The following TSNARE1 variants were observed in gnomAD, a reference collection of about 807,000 sequenced individuals.
TSNARE1 encodes the protein t-SNARE domain containing 1.
Under a neutral mutation model 62.0 loss-of-function variants are expected in TSNARE1, and 49 were observed. The ratio of observed to expected loss-of-function variants is 0.79; its 90% CI spans 0.63 to 1.00. The LOEUF is 1.00. Ranked by LOEUF, TSNARE1 falls within the 50% of genes least tolerant of loss-of-function variation. The pLI is 0.00. For synonymous variants in TSNARE1, 328 were observed against 294.4 expected (o/e 1.11, Z -1.17); for missense variants, 755 against 700.1 (o/e 1.08, Z -0.88).
chr8:142,285,305 TG>T (rs1822522456), intron 10 of TSNARE1, among the ~76,000 whole-genome samples: 1 of 143,290 alleles, frequency 7.0e-6, no homozygotes, highest in Admixed American at 7.0e-5. Flanking sequence ...GGTAGGTGGA[TG>T]GATGGATGGG....
intron 1 of TSNARE1, among the ~76,000 whole-genome samples, chr8:142,385,239 G>T (rs1373547971): frequency 6.6e-6 from 1 of 152,110 alleles, no homozygotes; most frequent in African/African-American, 2.4e-5. Context: ...GACCCTGAAA[G>T]GATGGCAGCC....
At position 142,229,499 on chromosome 8, in the gene TSNARE1, G is replaced by T; in HGVS notation, c.1527C>A (p.Thr509=). The T allele has an allele frequency of 6.2e-7, 1 of 1,614,128 alleles. No individual in the cohort carries two copies. The highest frequency in any genetic ancestry group is 8.5e-7 in the Non-Finnish European group (1 of 1,180,002). ...ALLVIIIIIA[T]SVRK ...ACGGGTAGCATCACTTTCGGACAGA[G>T]GTGGCGATGATGATGATGATGACAA... Residue 509 remains threonine, a synonymous_variant, in exon 13 of 14, where the codon ACC becomes ACA. Coordinates refer to ENST00000524325, the MANE Select transcript of TSNARE1 (RefSeq NM_145003.5).
intron 10 of TSNARE1, among the ~76,000 whole-genome samples, chr8:142,293,109 G>A (rs1013430666): frequency 1.3e-5 from 2 of 152,066 alleles, no homozygotes; most frequent in East Asian, 1.9e-4. Flanking sequence ...CCAAGAAAAC[G>A]CAAACCCCTC....
At chr8:142,349,560 A>T (rs145492293) in intron 2 of TSNARE1, among the ~76,000 whole-genome samples, 1,843 of 152,308 alleles carry the variant, frequency 0.012, 39 homozygotes, top group African/African-American at 0.043. Context: ...AGAAGGGGGA[A>T]GCCAGGGGCC....
At chr8:142,330,852 C>T in intron 6 of TSNARE1, 49 bp downstream of exon 6, 2 of 1,594,414 alleles carry the variant, frequency 1.3e-6, no homozygotes, top group Non-Finnish European at 1.7e-6. Context: ...CCCTGCCCCC[C>T]AATGTGCACC....
At chr8:142,314,582 C>T (rs1039180574) in intron 8 of TSNARE1, 142 bp from the exon 9 acceptor site, 31 of 710,166 alleles carry the variant, frequency 4.4e-5, no homozygotes, top group South Asian at 7.0e-5. Flanking sequence ...CTGCCGGGGC[C>T]GGGGCTGAGC....
At chr8:142,224,839 T>A (rs1816699377) in intron 13 of TSNARE1, among the ~76,000 whole-genome samples, 1 of 152,078 alleles carries the variant, frequency 6.6e-6, no homozygotes, top group Non-Finnish European at 1.5e-5. Context: ...TCTTGGTGGG[T>A]CTGGGCAGAG....
intron 12 of TSNARE1, among the ~76,000 whole-genome samples, chr8:142,264,949 CTG>C (rs1426958887): frequency 6.6e-6 from 1 of 152,126 alleles, no homozygotes; most frequent in African/African-American, 2.4e-5. Flanking sequence ...CATTTTTCTT[CTG>C]TGTTATCTGC....
chr8:142,256,807 G>T (rs920943943), intron 12 of TSNARE1, among the ~76,000 whole-genome samples: 23 of 152,182 alleles, frequency 1.5e-4, no homozygotes, highest in African/African-American at 5.3e-4. Context: ...TGACTCTGGG[G>T]ACAATCCTCA....
intron 6 of TSNARE1, among the ~76,000 whole-genome samples, chr8:142,324,687 G>A (rs916248542): frequency 1.3e-5 from 2 of 152,224 alleles, no homozygotes; most frequent in African/African-American, 4.8e-5. Context: ...CCTGCAGGCT[G>A]GAGCTGGTGA....
intron 2 of TSNARE1, among the ~76,000 whole-genome samples, chr8:142,350,595 C>T (rs1217224094): frequency 6.6e-6 from 1 of 150,964 alleles, no homozygotes; most frequent in Non-Finnish European, 1.5e-5. Context: ...TTCAACACTG[C>T]AGTAGAGGTT....
intron 13 of TSNARE1, among the ~76,000 whole-genome samples, chr8:142,214,805 G>A (rs1815751313): frequency 6.6e-6 from 1 of 152,194 alleles, no homozygotes; most frequent in African/African-American, 2.4e-5. Context: ...TGAGGATGTA[G>A]GAGAGGTCAC....
rs1022311228 is a variant in TSNARE1 at position 142,275,598 on chromosome 8, GTCC to G, written c.1364-738_1364-736del. 90 of 985,374 alleles carry G rather than the reference GTCC, an allele frequency of 9.1e-5. No homozygotes were observed. The African/African-American group carries it at 1.4e-3, about 16-fold the overall frequency. The allele number at this position is 985,374 out of a possible 1,614,324, so 61.0% of individuals were successfully genotyped here. A position where few individuals can be genotyped will look rare whatever the true frequency, so the allele number is the denominator to read the frequency against. ...CACCAGGAGCGCAGGCACAGCCGGGGTCCTCAACAGAGCCACATGCAAACACGA... is the reference window on the plus strand; with the variant it reads ...CACCAGGAGCGCAGGCACAGCCGGGGTCAACAGAGCCACATGCAAACACGA... On this transcript the variant is annotated intron_variant, in intron 11 of 13. Transcript: ENST00000524325.
intron 1 of TSNARE1, among the ~76,000 whole-genome samples, chr8:142,402,230 G>A (rs1587178953): frequency 6.6e-6 from 1 of 151,682 alleles, no homozygotes; most frequent in Non-Finnish European, 1.5e-5. Context: ...GGAGCAGCAC[G>A]CGCGAGGCCC....
chr8:142,358,690 G>A (rs889926239), intron 1 of TSNARE1, among the ~76,000 whole-genome samples: 5 of 151,626 alleles, frequency 3.3e-5, no homozygotes, highest in Admixed American at 6.6e-5. Context: ...CTGGAAACAC[G>A]AAATGGCAGC....
At chr8:142,325,597 T>C (rs1348533268) in intron 6 of TSNARE1, among the ~76,000 whole-genome samples, 1 of 152,062 alleles carries the variant, frequency 6.6e-6, no homozygotes, top group African/African-American at 2.4e-5. Context: ...TGGAGGTCCC[T>C]TCCTTGGCCT....
intron 9 of TSNARE1, among the ~76,000 whole-genome samples, chr8:142,307,637 A>G (rs913834213): frequency 6.6e-6 from 1 of 152,250 alleles, no homozygotes; most frequent in Non-Finnish European, 1.5e-5. Context: ...GAGGCTGTCC[A>G]TGTTCAGAAC....
chr8:142,297,023 C>T (rs1824870090), intron 10 of TSNARE1, among the ~76,000 whole-genome samples: 1 of 152,200 alleles, frequency 6.6e-6, no homozygotes, highest in East Asian at 1.9e-4. Flanking sequence ...CGGGCTGTCC[C>T]AGCTGGCAAG....
intron 9 of TSNARE1, among the ~76,000 whole-genome samples, chr8:142,312,267 T>G (rs138393265): frequency 6.6e-6 from 1 of 152,236 alleles, no homozygotes; most frequent in Non-Finnish European, 1.5e-5. Flanking sequence ...AACCAACTAT[T>G]TGAATATCTG....
Sources: allele counts gnomAD v4.1 joint callset (sites outside exome capture counted in the v4.1 genomes callset), GRCh38; gene constraint gnomAD v4.1.1; transcripts MANE v1.5; gene names NCBI Gene and HGNC (gene_info 2026-07-23, HGNC 2026-07-21).